LDAH: variants seen among roughly 807,000 people sequenced by gnomAD.
LDAH encodes the protein lipid droplet associated hydrolase.
Under a neutral mutation model 29.6 loss-of-function variants are expected in LDAH, and 26 were observed. The observed-to-expected ratio is 0.88, with a 90% CI of 0.64 to 1.22. LDAH has a LOEUF of 1.22. Among genes scored for constraint, LDAH ranks in the 50% most tolerant of loss-of-function variants. LDAH has a pLI of 0.00. For synonymous variants in LDAH, 117 were observed against 133.0 expected, an observed-to-expected ratio of 0.88 and a Z score of 0.83; for missense variants, 344 against 387.3, an observed-to-expected ratio of 0.89 and a Z score of 0.94.
chr2:20,722,874 C>A (rs1449440736), intron 5 of LDAH, among the ~76,000 whole-genome samples: 6 of 152,130 alleles, frequency 3.9e-5, no homozygotes, highest in Non-Finnish European at 8.8e-5. Context: ...GCAAATGAAG[C>A]AACATAAACT....
At chr2:20,696,606 T>A (rs1033094188) in intron 6 of LDAH, among the ~76,000 whole-genome samples, 6 of 151,780 alleles carry the variant, frequency 4.0e-5, no homozygotes, top group Admixed American at 6.6e-5. Context: ...AGTTTAGAAT[T>A]CCCCCCCTAA....
intron 4 of LDAH, among the ~76,000 whole-genome samples, chr2:20,745,329 T>C (rs1667493497): frequency 6.6e-6 from 1 of 152,228 alleles, no homozygotes; most frequent in Admixed American, 6.5e-5. Context: ...TGTTACATTT[T>C]GTTTTTCTAA....
At chr2:20,742,345 T>A (rs997587707) in intron 4 of LDAH, among the ~76,000 whole-genome samples, 7 of 152,210 alleles carry the variant, frequency 4.6e-5, no homozygotes, top group Admixed American at 6.5e-5. Flanking sequence ...TTCAACTAGG[T>A]CTTTACCCAT....
chr2:20,773,007 G>A (rs1337178126), intron 4 of LDAH, among the ~76,000 whole-genome samples: 2 of 152,174 alleles, frequency 1.3e-5, no homozygotes, highest in Non-Finnish European at 2.9e-5. Flanking sequence ...CAGAAACTAC[G>A]AGTGAAGAAA....
chr2:20,790,058 T>C (rs1201033968), intron 3 of LDAH, among the ~76,000 whole-genome samples, 197 bp downstream of exon 3: 2 of 152,234 alleles, frequency 1.3e-5, no homozygotes, highest in African/African-American at 2.4e-5. Flanking sequence ...GATTGTTTTA[T>C]CTACCCATAT....
At chr2:20,753,094 C>T (rs1050227038) in intron 4 of LDAH, among the ~76,000 whole-genome samples, 11 of 152,184 alleles carry the variant, frequency 7.2e-5, no homozygotes, top group Admixed American at 2.0e-4. Flanking sequence ...TTTCACTGTA[C>T]AGTAACAGCC....
intron 1 of LDAH, among the ~76,000 whole-genome samples, chr2:20,802,039 ATATC>A (rs145438237): frequency 0.015 from 2,296 of 151,496 alleles, 58 homozygotes; most frequent in African/African-American, 0.053. Context: ...CACACATACT[ATATC>A]TATCTATCTA....
chr2:20,690,893 CACA>C (rs1297435623), intron 6 of LDAH, among the ~76,000 whole-genome samples: 1 of 151,916 alleles, frequency 6.6e-6, no homozygotes, highest in Non-Finnish European at 1.5e-5. Context: ...GTTGTATCCT[CACA>C]ACAATACTCT....
At chr2:20,688,295 A>G (rs1025929441) in intron 6 of LDAH, among the ~76,000 whole-genome samples, 4 of 152,182 alleles carry the variant, frequency 2.6e-5, no homozygotes, top group African/African-American at 4.8e-5. Flanking sequence ...AAGCAAACCA[A>G]AGCTTGAAAG....
intron 5 of LDAH, among the ~76,000 whole-genome samples, chr2:20,738,396 G>A (rs1026032039): frequency 1.2e-4 from 18 of 148,576 alleles, no homozygotes; most frequent in African/African-American, 3.7e-4. Flanking sequence ...CCTAGGGTGG[G>A]TGCATCCCTC....
intron 3 of LDAH, among the ~76,000 whole-genome samples, chr2:20,785,083 G>C (rs1019205601): frequency 2.6e-5 from 4 of 152,004 alleles, no homozygotes; most frequent in African/African-American, 7.3e-5. Flanking sequence ...TGAATAAACA[G>C]CTATCTACCA....
chr2:20,760,102 CTTTT>C (rs761754611), intron 4 of LDAH, among the ~76,000 whole-genome samples: 19 of 151,926 alleles, frequency 1.3e-4, no homozygotes, highest in Non-Finnish European at 2.5e-4. Flanking sequence ...CCCAAATTAT[CTTTT>C]TTTTGAGGTG....
intron 5 of LDAH, among the ~76,000 whole-genome samples, chr2:20,710,682 A>T (rs1343901476): frequency 1.4e-5 from 2 of 144,866 alleles, no homozygotes; most frequent in Non-Finnish European, 3.0e-5. Flanking sequence ...ACATATATAT[A>T]CACATATATA....
intron 3 of LDAH, among the ~76,000 whole-genome samples, chr2:20,779,652 T>C (rs1392610104): frequency 6.6e-6 from 1 of 152,072 alleles, no homozygotes; most frequent in Non-Finnish European, 1.5e-5. Flanking sequence ...AACAAACCTT[T>C]TTCTGTATTG....
At chr2:20,692,934 T>C (rs1663145249) in intron 6 of LDAH, among the ~76,000 whole-genome samples, 1 of 152,150 alleles carries the variant, frequency 6.6e-6, no homozygotes, top group Admixed American at 6.6e-5. Flanking sequence ...TATTCTAAAG[T>C]AATTTGTGAA....
In LDAH at chr2:20,714,449, C is replaced by T. The variant is rs144370441; in HGVS notation, c.704-12797G>A. Among the ~76,000 whole-genome samples, 437 of 152,264 alleles carry T rather than the reference C, an allele frequency of 2.9e-3. 3 individuals are homozygous for T. Among genetic ancestry groups the T allele is most frequent in the African/African-American group, 9.9e-3 (412 of 41,548 alleles). The stretch of plus-strand genomic sequence containing the variant: ...AAGCAGGAAAGATCTAAAATCAACA[C>T]CCTAATGTCACAATTAAAAGAACTA... On this transcript the variant is annotated intron_variant, in intron 5 of 6. Transcript: ENST00000237822.
At chr2:20,683,557 A>G (rs1441876103), downstream of LDAH, among the ~76,000 whole-genome samples, 1 of 152,218 alleles carries the variant, frequency 6.6e-6, no homozygotes, top group Non-Finnish European at 1.5e-5. Flanking sequence ...CTGTTAGAAC[A>G]TCCTGGGCTG....
At chr2:20,813,218 A>G (rs1020227661) in intron 1 of LDAH, among the ~76,000 whole-genome samples, 1 of 152,132 alleles carries the variant, frequency 6.6e-6, no homozygotes, top group Non-Finnish European at 1.5e-5. Context: ...CTTACCATCC[A>G]TATCTCTCCC....
intron 2 of LDAH, among the ~76,000 whole-genome samples, chr2:20,796,598 C>T (rs1671322935): frequency 6.6e-6 from 1 of 152,174 alleles, no homozygotes; most frequent in African/African-American, 2.4e-5. Context: ...CAAAGAACTT[C>T]ACCTACATTA....
Sources: gnomAD v4.1 joint callset for allele counts (sites outside exome capture counted in the v4.1 genomes callset) on GRCh38, gnomAD v4.1.1 for gene constraint, MANE v1.5 for transcripts, NCBI Gene and HGNC (gene_info 2026-07-23, HGNC 2026-07-21) for gene names.